The following PCSK5 variants were observed in gnomAD, a reference collection of about 807,000 sequenced individuals.
The protein encoded by PCSK5 is proprotein convertase subtilisin/kexin type 5.
PCSK5 carries 129 observed loss-of-function variants against 233.2 expected under a neutral mutation model. The observed-to-expected ratio is 0.55, with a 90% CI of 0.48 to 0.64. The LOEUF is 0.64. PCSK5 is among the 30% of genes least tolerant of loss of function. PCSK5 has a pLI of 0.00. For synonymous variants in PCSK5, 825 were observed against 879.2 expected (o/e 0.94, Z 1.09); for missense variants, 2,076 against 2,430.1 (o/e 0.85, Z 3.06).
rs1564196928 is a variant in PCSK5, at chr9:76,351,524, GAAA to G, written c.5067+597_5067+599del. Among the ~76,000 whole-genome samples, 105 of 116,114 alleles carry G rather than the reference GAAA, an allele frequency of 9.0e-4. 5 individuals carry two copies. The highest frequency in any genetic ancestry group is 3.5e-3 in the African/African-American group (96 of 27,204). 76.2% of individuals were successfully genotyped at this position (116,114 alleles called of 152,430 possible). A position where few individuals can be genotyped will look rare whatever the true frequency, so the allele number is the denominator to read the frequency against. ...AGAAAGAAAGAAAGAAAGAAAGAAA[GAAA>G]GAAAGGAAGGAAAGAAAGAGAAAGA... is the stretch of plus-strand genomic sequence containing the variant. On this transcript the variant is annotated intron_variant, in intron 36 of 37. Transcript: ENST00000674117.
chr9:76,041,970 T>C (rs1255819059), intron 5 of PCSK5, among the ~76,000 whole-genome samples: 1 of 152,246 alleles, frequency 6.6e-6, no homozygotes, highest in Non-Finnish European at 1.5e-5. Context: ...GCATACCTTA[T>C]TCAATACTAG....
In PCSK5 at chr9:76,321,102, C is replaced by A. The variant is rs1432293992; in HGVS notation, c.3885-320C>A. ...GTGCTGGGATTACAAGCGTGAGCCA[C>A]CACACCCGGCCAGTTAGCTATCTTT... is the stretch of plus-strand genomic sequence containing the variant. On this transcript the variant is annotated intron_variant, in intron 30 of 37. Coordinates refer to ENST00000674117, the MANE Select transcript of PCSK5 (RefSeq NM_001372043.1). Among the ~76,000 whole-genome samples, 3 of 132,958 alleles carry A rather than the reference C, an allele frequency of 2.3e-5. No individual in the cohort carries two copies. The East Asian group carries it at 5.9e-4, about 26-fold the overall frequency. The allele number at this position is 132,958 out of a possible 152,430, so 87.2% of individuals were successfully genotyped here.
In PCSK5 at chr9:76,188,685, C is replaced by G. The variant is rs770365678; in HGVS notation, c.2380+10C>G. ...TGCGCCACTTGTGCTGGTACCTTCCCTAGTTCTTTTGTTTATTCTCCCGGT... is the reference window on the plus strand; with the variant it reads ...TGCGCCACTTGTGCTGGTACCTTCCGTAGTTCTTTTGTTTATTCTCCCGGT... On this transcript the variant is annotated intron_variant, in intron 18 of 37. Coordinates refer to ENST00000674117, the MANE Select transcript of PCSK5 (RefSeq NM_001372043.1). The G allele has an allele frequency of 6.2e-7, 1 of 1,605,534 alleles. No individual in the cohort carries two copies. The highest frequency in any genetic ancestry group is 8.5e-7 in the Non-Finnish European group (1 of 1,172,502).
At chr9:76,225,860 T>C (rs114701056) in intron 20 of PCSK5, among the ~76,000 whole-genome samples, 1 of 152,086 alleles carries the variant, frequency 6.6e-6, no homozygotes, top group African/African-American at 2.4e-5. Context: ...TACACCAGAG[T>C]GCCTGGCATG....
intron 3 of PCSK5, among the ~76,000 whole-genome samples, chr9:76,006,720 CTTGG>C (rs1175076398): frequency 6.6e-6 from 1 of 152,122 alleles, no homozygotes; most frequent in Non-Finnish European, 1.5e-5. Flanking sequence ...CGAGTCATAT[CTTGG>C]TTGGACAAAA....
chr9:76,085,875 A>C (rs1320755014), intron 7 of PCSK5, among the ~76,000 whole-genome samples: 1 of 152,174 alleles, frequency 6.6e-6, no homozygotes, highest in Admixed American at 6.5e-5. Flanking sequence ...AAGAGTATGA[A>C]CTTTCCATTA....
chr9:76,321,336 T>C, intron 30 of PCSK5, 86 bp from the exon 31 acceptor site: 1 of 739,714 alleles, frequency 1.4e-6, no homozygotes, highest in Non-Finnish European at 2.4e-6. Flanking sequence ...GCCCTTTTGT[T>C]TTTAGACCTA....
intron 3 of PCSK5, among the ~76,000 whole-genome samples, chr9:76,004,099 G>A (rs1827377860): frequency 6.6e-6 from 1 of 152,080 alleles, no homozygotes; most frequent in African/African-American, 2.4e-5. Context: ...TGTCCAGCTT[G>A]TGCCATCTCT....
intron 3 of PCSK5, among the ~76,000 whole-genome samples, chr9:75,991,338 G>A (rs1826760433): frequency 6.6e-6 from 1 of 152,108 alleles, no homozygotes; most frequent in African/African-American, 2.4e-5. Flanking sequence ...TCCAATTGAT[G>A]CTGATGCTGG....
chr9:75,932,280 T>C, intron 1 of PCSK5, 99 bp from the exon 2 acceptor site: 1 of 737,582 alleles, frequency 1.4e-6, no homozygotes, highest in Non-Finnish European at 2.3e-6. Context: ...ACCTTTTTTG[T>C]TTTGTGTTCC....
At chr9:75,983,321 G>A (rs532544581) in intron 2 of PCSK5, among the ~76,000 whole-genome samples, 22 of 152,126 alleles carry the variant, frequency 1.4e-4, no homozygotes, top group African/African-American at 5.3e-4. Flanking sequence ...CTTGCCCCAT[G>A]TGTAGTGTCA....
intron 3 of PCSK5, among the ~76,000 whole-genome samples, chr9:76,004,895 G>A (rs930260694): frequency 1.3e-5 from 2 of 152,156 alleles, no homozygotes; most frequent in Non-Finnish European, 2.9e-5. Context: ...GGTTTCTCTT[G>A]TTTAGGAGTG....
chr9:76,224,623 A>G (rs970099478), intron 20 of PCSK5, among the ~76,000 whole-genome samples: 1 of 152,206 alleles, frequency 6.6e-6, no homozygotes, highest in Non-Finnish European at 1.5e-5. Context: ...GACTTATAGT[A>G]TGGCATAAGA....
At chr9:75,922,560 ATGCCATTGGGTTGT>A (rs1159853878) in intron 1 of PCSK5, among the ~76,000 whole-genome samples, 1 of 152,192 alleles carries the variant, frequency 6.6e-6, no homozygotes, top group East Asian at 1.9e-4. Context: ...AAGAGGGATG[ATGCCATTGGGTTGT>A]TGCCTTGAGT....
At chr9:76,295,647 G>A (rs1410245598) in intron 26 of PCSK5, among the ~76,000 whole-genome samples, 1 of 152,190 alleles carries the variant, frequency 6.6e-6, no homozygotes, top group Non-Finnish European at 1.5e-5. Flanking sequence ...TCTCCAAGCT[G>A]ATGGAAACAA....
intron 24 of PCSK5, among the ~76,000 whole-genome samples, chr9:76,268,573 G>A (rs1322518866): frequency 6.6e-6 from 1 of 152,242 alleles, no homozygotes; most frequent in Non-Finnish European, 1.5e-5. Flanking sequence ...GCTGGGTGCA[G>A]TGGCTCATGC....
At chr9:76,225,854 C>G (rs1309703194) in intron 20 of PCSK5, among the ~76,000 whole-genome samples, 1 of 152,148 alleles carries the variant, frequency 6.6e-6, no homozygotes, top group Non-Finnish European at 1.5e-5. Context: ...GCAGCCTACA[C>G]CAGAGTGCCT....
chr9:76,042,245 A>G (rs1051535628), intron 5 of PCSK5, among the ~76,000 whole-genome samples: 4 of 152,266 alleles, frequency 2.6e-5, no homozygotes, highest in African/African-American at 4.8e-5. Context: ...AGTGGCAGAA[A>G]TAAGTTTTAA....
At chr9:75,982,438 C>G (rs796089985) in intron 2 of PCSK5, among the ~76,000 whole-genome samples, 8 of 152,256 alleles carry the variant, frequency 5.3e-5, no homozygotes, top group African/African-American at 1.9e-4. Flanking sequence ...TGAGAATGAA[C>G]CTTTTCCCAT....
Sources: gnomAD v4.1 joint callset for allele counts (sites outside exome capture counted in the v4.1 genomes callset) on GRCh38, gnomAD v4.1.1 for gene constraint, MANE v1.5 for transcripts, NCBI Gene and HGNC (gene_info 2026-07-23, HGNC 2026-07-21) for gene names.